Variants in F8 observed in about 807,000 individuals in gnomAD.
F8 encodes the protein coagulation factor VIII.
In F8, 12 loss-of-function variants were observed where a neutral mutation model predicts 140.6. That is an observed-to-expected ratio of 0.09 (90% confidence interval 0.05 to 0.14). The LOEUF is 0.14. Ranked by LOEUF, F8 falls within the 10% of genes least tolerant of loss-of-function variation. The pLI is 1.00. For synonymous variants in F8, 585 were observed against 614.6 expected, an observed-to-expected ratio of 0.95 and a Z score of 0.71; for missense variants, 1,354 against 1,720.7, an observed-to-expected ratio of 0.79 and a Z score of 3.77.
At chrX:154,872,705 AT>A (rs781860109) in intron 22 of F8, among the ~76,000 whole-genome samples, 181 of 111,935 alleles carry the variant, frequency 1.6e-3, no homozygotes, top group Middle Eastern at 9.4e-3. Context: ...AATTTAAAAA[AT>A]AAATAAAATA....
intron 1 of F8, among the ~76,000 whole-genome samples, chrX:155,017,272 C>T (rs782245067): frequency 8.9e-6 from 1 of 112,286 alleles, no homozygotes; most frequent in Non-Finnish European, 1.9e-5. Flanking sequence ...GAGTGCAGCC[C>T]TATTAAAACC....
At chrX:154,960,347 G>A (rs2073389448) in intron 10 of F8, among the ~76,000 whole-genome samples, 1 of 111,521 alleles carries the variant, frequency 9.0e-6, no homozygotes, top group Admixed American at 9.5e-5. Context: ...AAAAATGGAT[G>A]CCTCTAGGGA....
At chrX:154,946,997 G>C (rs111557933) in intron 13 of F8, among the ~76,000 whole-genome samples, 1 of 110,440 alleles carries the variant, frequency 9.1e-6, no homozygotes, top group African/African-American at 3.3e-5. Flanking sequence ...AGGCCGAGGC[G>C]GGTGGATCAC....
chrX:154,895,978 A>T (rs2072976709), intron 22 of F8, 99 bp downstream of exon 22: 1 of 874,651 alleles, frequency 1.1e-6, no homozygotes, highest in Non-Finnish European at 1.7e-6. Flanking sequence ...ATTTTTTGGA[A>T]TTAAGTTTGT....
chrX:154,985,666 A>G (rs1230123402), intron 5 of F8, among the ~76,000 whole-genome samples: 1 of 111,934 alleles, frequency 8.9e-6, no homozygotes, highest in Non-Finnish European at 1.9e-5. Context: ...TAGTGCTAAA[A>G]CTTTATGAGG....
intron 1 of F8, among the ~76,000 whole-genome samples, chrX:155,019,125 A>G: frequency 8.9e-6 from 1 of 112,159 alleles, no homozygotes; most frequent in Non-Finnish European, 1.9e-5. Flanking sequence ...CAGCATATCA[A>G]AGAAGACAAT....
At chrX:154,865,231 G>T (rs2072722758) in intron 22 of F8, among the ~76,000 whole-genome samples, 1 of 110,761 alleles carries the variant, frequency 9.0e-6, no homozygotes, top group Non-Finnish European at 1.9e-5. Context: ...ACTTTATCTG[G>T]AAAAACTGTC....
At chrX:154,894,087 A>G (rs2072965215) in intron 22 of F8, among the ~76,000 whole-genome samples, 1 of 111,789 alleles carries the variant, frequency 8.9e-6, no homozygotes, top group Admixed American at 9.5e-5. Flanking sequence ...AAATTCACCT[A>G]TAGCCCGGAA....
chrX:154,878,709 T>C (rs891483128), intron 22 of F8, among the ~76,000 whole-genome samples: 115 of 111,725 alleles, frequency 1.0e-3, no homozygotes, highest in African/African-American at 3.1e-3. Context: ...TATTCTCAGA[T>C]GAACATGAGC....
intron 1 of F8, 79 bp downstream of exon 1, chrX:155,022,331 G>T: frequency 9.5e-7 from 1 of 1,049,136 alleles, no homozygotes; most frequent in Non-Finnish European, 1.3e-6. Flanking sequence ...ATCCTAACCC[G>T]ATGTCTGCAC....
intron 25 of F8, among the ~76,000 whole-genome samples, chrX:154,848,674 G>A (rs1430762562): frequency 8.9e-6 from 1 of 111,794 alleles, no homozygotes; most frequent in African/African-American, 3.3e-5. Flanking sequence ...AATTTTCCAG[G>A]TGCCATCTGT....
At position 154,838,167 on chromosome X, in the gene F8, C is replaced by T. The variant is rs375467709; in HGVS notation, c.6901-415G>A. On this transcript the variant is annotated intron_variant, in intron 25 of 25. Coordinates refer to ENST00000360256, the MANE Select transcript of F8 (RefSeq NM_000132.4). ...CGTTATTAGATAAACTGGTTTCGCA[C>T]ATGTTGGTGACAACTTTAGAATGAT... Among the ~76,000 whole-genome samples, 117 of 112,304 alleles carry T rather than the reference C, an allele frequency of 1.0e-3. 1 individual carries two copies. The South Asian group carries it at 0.04, about 39-fold the overall frequency.
chrX:154,875,059 C>T (rs1426889286), intron 22 of F8, among the ~76,000 whole-genome samples: 2 of 111,689 alleles, frequency 1.8e-5, no homozygotes, highest in African/African-American at 6.5e-5. Flanking sequence ...AGAAAATCCT[C>T]CCACTTGTGA....
At position 154,929,965 on chromosome X, in the gene F8, A is replaced by G. The variant is rs201930056; in HGVS notation, c.3825T>C (p.Asp1275=). ...TGTGTTTCTTTGTTCTATTTGTTGA[A>G]TCATTTAATGACCTAAAATCTTGAA... is the stretch of plus-strand genomic sequence containing the variant. The part of the protein sequence containing the change: ...PVLQDFRSLN[D]STNRTKKHTA... The change falls in exon 14 of 26, where the codon GAT becomes GAC. Residue 1275 remains aspartate (D), a synonymous_variant. Coordinates refer to ENST00000360256, the MANE Select transcript of F8 (RefSeq NM_000132.4). 48 of 1,209,158 alleles carry G rather than the reference A, an allele frequency of 4.0e-5. No individual in the cohort carries two copies. The African/African-American group carries it at 7.0e-4, about 18-fold the overall frequency.
Position 154,969,536 on chromosome X carries a change from G to A in F8, c.804C>T (p.His268=). 1 of 1,209,956 alleles carries A rather than the reference G, an allele frequency of 8.3e-7. No individual in the cohort carries two copies. The highest frequency in any genetic ancestry group is 1.8e-5 in the South Asian group (1 of 56,969). The change falls in exon 7 of 26, where the codon CAC becomes CAT. Residue 268 remains histidine, a synonymous_variant. Transcript: ENST00000360256. ...NRSLPGLIGC[H]RKSVYWHVIG... ...TCACATGCCAATAGACTGATTTCCT[G>A]TGGCATCCAATCAGACCTGTAAAGT...
chrX:154,848,273 A>G (rs1557271911), intron 25 of F8, among the ~76,000 whole-genome samples: 1 of 112,511 alleles, frequency 8.9e-6, no homozygotes, highest in Non-Finnish European at 1.9e-5. Context: ...TTCTCAGATC[A>G]CAAACTCTGT....
intron 22 of F8, among the ~76,000 whole-genome samples, chrX:154,892,698 G>A: frequency 8.9e-6 from 1 of 112,002 alleles, no homozygotes; most frequent in South Asian, 3.7e-4. Context: ...TTTGTGGAAG[G>A]TTTAATAAAG....
chrX:154,958,102 G>T (rs1327487278), intron 10 of F8, among the ~76,000 whole-genome samples: 1 of 110,675 alleles, frequency 9.0e-6, no homozygotes, highest in Non-Finnish European at 1.9e-5. Flanking sequence ...CCCAAATGCT[G>T]GTCTTTTCAT....
At chrX:155,003,034 C>A (rs1373242672) in intron 1 of F8, among the ~76,000 whole-genome samples, 2 of 111,538 alleles carry the variant, frequency 1.8e-5, no homozygotes, top group Non-Finnish European at 3.8e-5. Flanking sequence ...TCATGTCCAC[C>A]TTTTAACAAG....
Sources: gnomAD v4.1 joint callset for allele counts (sites outside exome capture counted in the v4.1 genomes callset) on GRCh38, gnomAD v4.1.1 for gene constraint, MANE v1.5 for transcripts, NCBI Gene and HGNC (gene_info 2026-07-23, HGNC 2026-07-21) for gene names.